The following PROM1 variants were observed in gnomAD, a reference collection of about 807,000 sequenced individuals.
PROM1 encodes prominin-1.
Under a neutral mutation model 116.9 loss-of-function variants are expected in PROM1, and 105 were observed. The observed-to-expected ratio is 0.90, with a 90% CI of 0.77 to 1.06. The LOEUF is 1.06. PROM1 is among the 50% of genes least tolerant of loss of function. The pLI is 0.00. For synonymous variants in PROM1, 393 were observed against 387.0 expected, an observed-to-expected ratio of 1.02 and a Z score of -0.18; for missense variants, 1,122 against 1,045.2, an observed-to-expected ratio of 1.07 and a Z score of -1.01.
At chr4:15,989,676 G>T in intron 19 of PROM1, 56 bp downstream of exon 19, 1 of 1,384,418 alleles carries the variant, frequency 7.2e-7, no homozygotes, top group Non-Finnish European at 1.0e-6. Context: ...AAGCCAACTA[G>T]CTGCAGTAGA....
chr4:16,023,210 C>T (rs1343904971), intron 8 of PROM1, 116 bp downstream of exon 8: 12 of 864,916 alleles, frequency 1.4e-5, no homozygotes, highest in Non-Finnish European at 1.7e-5. Flanking sequence ...TGCATGGCCA[C>T]GGACGGTGGC....
chr4:15,970,963 A>AG, intron 27 of PROM1, 80 bp downstream of exon 27: 1 of 1,103,970 alleles, frequency 9.1e-7, no homozygotes, highest in Non-Finnish European at 1.3e-6. Flanking sequence ...GCAATGTATT[A>AG]GGAATAGCTA....
At chr4:15,997,587 G>A (rs62288716) in intron 15 of PROM1, among the ~76,000 whole-genome samples, 45,160 of 151,890 alleles carry the variant, frequency 0.3, 7,527 homozygotes, top group Non-Finnish European at 0.38. Flanking sequence ...AGCCTCCTGA[G>A]TAGCTGAGTC....
intron 3 of PROM1, among the ~76,000 whole-genome samples, chr4:16,037,548 GGAACT>G (rs1408741304): frequency 6.6e-6 from 1 of 152,086 alleles, no homozygotes; most frequent in Non-Finnish European, 1.5e-5. Context: ...TGGGCAAAAG[GGAACT>G]GCCTTCTCCC....
Position 16,018,372 on chromosome 4 carries a change from C to T in PROM1, c.953G>A (p.Ser318Asn), listed in dbSNP as rs1387166299. The T allele has an allele frequency of 5.0e-6, 8 of 1,613,594 alleles. No individual in the cohort carries two copies. The highest frequency in any genetic ancestry group is 1.7e-4 in the Middle Eastern group (1 of 5,854). The change falls in exon 9 of 28, where the codon AGC (serine) becomes AAC (asparagine). Residue 318 changes from serine to asparagine, a missense_variant. Coordinates refer to ENST00000447510, the MANE Select transcript of PROM1 (RefSeq NM_006017.3). ...LVHPSSETCNSIRLSLSQLNS... is the reference protein window; with the variant it reads ...LVHPSSETCNNIRLSLSQLNS... ...CAGCTGGCTTAGAGACAATCTGATG[C>T]TGTTGCAGGTTTCACTTGATGGATG...
intron 2 of PROM1, among the ~76,000 whole-genome samples, chr4:16,042,818 C>T (rs1735646292): frequency 6.6e-6 from 1 of 152,254 alleles, no homozygotes; most frequent in Middle Eastern, 3.4e-3. Context: ...TCAGTGAGAG[C>T]AGACGTTCAC....
At chr4:16,046,319 A>T (rs1736539313) in intron 2 of PROM1, among the ~76,000 whole-genome samples, 1 of 151,674 alleles carries the variant, frequency 6.6e-6, no homozygotes, top group South Asian at 2.1e-4. Flanking sequence ...AACAGAGGTA[A>T]CTCTCCCTCT....
intron 5 of PROM1, among the ~76,000 whole-genome samples, chr4:16,030,456 T>TAGG (rs1439204994): frequency 6.6e-6 from 1 of 152,148 alleles, no homozygotes; most frequent in Non-Finnish European, 1.5e-5. Flanking sequence ...ACTGAATGTG[T>TAGG]AGGAGGGTAT....
chr4:16,070,344 G>C (rs1742525486), intron 2 of PROM1, among the ~76,000 whole-genome samples: 1 of 152,158 alleles, frequency 6.6e-6, no homozygotes, highest in South Asian at 2.1e-4. Flanking sequence ...GAACCTGACT[G>C]ATTATTTCAG....
intron 26 of PROM1, chr4:15,971,532 A>T (rs1482922741): frequency 6.4e-6 from 1 of 156,792 alleles, no homozygotes; most frequent in Non-Finnish European, 1.4e-5. Flanking sequence ...CAGGCAGTGC[A>T]CACGGCCTCT....
At chr4:16,041,089 G>T (rs1417915384) in intron 2 of PROM1, among the ~76,000 whole-genome samples, 1 of 152,170 alleles carries the variant, frequency 6.6e-6, no homozygotes, top group Non-Finnish European at 1.5e-5. Flanking sequence ...CATGTTCAGG[G>T]TGTCCATGAG....
At position 16,046,788 on chromosome 4, in the gene PROM1, A is replaced by T. The variant is rs181024600; in HGVS notation, c.221-7787T>A. Among the ~76,000 whole-genome samples, 106 of 152,338 alleles carry T rather than the reference A, an allele frequency of 7.0e-4. No homozygotes were observed. In the East Asian group the frequency reaches 0.013, roughly 18 times the overall value. On this transcript the variant is annotated intron_variant, in intron 2 of 27. Coordinates refer to ENST00000447510, the MANE Select transcript of PROM1 (RefSeq NM_006017.3). ...TCACGGAATCACACTGTCTACACAGAGTGGGTACTTCAGAGACAGCACTCA... is the reference window on the plus strand; with the variant it reads ...TCACGGAATCACACTGTCTACACAGTGTGGGTACTTCAGAGACAGCACTCA...
intron 13 of PROM1, among the ~76,000 whole-genome samples, chr4:16,002,214 GA>G (rs1005096921): frequency 6.6e-6 from 1 of 151,082 alleles, no homozygotes; most frequent in African/African-American, 2.4e-5. Flanking sequence ...TGTCGAAAAA[GA>G]AAAAAAACAG....
In PROM1 at chr4:16,006,676, A is replaced by G; in HGVS notation, c.1316T>C (p.Leu439Pro). ...EYDSYWWLGG[L>P]VICSLLTLIV... ...GAGGGTCAGCAGAGAGCAGATGACC[A>G]GGCCACCCAGCCACCTGGAGAGGCA... Residue 439 changes from leucine (L) to proline (P), a missense_variant, in exon 13 of 28, where the codon CTG (leucine) becomes CCG (proline). Transcript: ENST00000447510. The G allele has an allele frequency of 6.2e-7, 1 of 1,613,100 alleles. No homozygotes were observed. Among genetic ancestry groups the G allele is most frequent in the Non-Finnish European group, 8.5e-7 (1 of 1,179,596 alleles).
chr4:16,025,719 GCACACACA>G (rs139033375), intron 5 of PROM1, among the ~76,000 whole-genome samples: 1 of 150,160 alleles, frequency 6.7e-6, no homozygotes, highest in African/African-American at 2.4e-5. Flanking sequence ...ACACACACAC[GCACACACA>G]CACACACACA....
Position 16,025,209 on chromosome 4 carries a change from A to G in PROM1, c.613T>C (p.Leu205=), listed in dbSNP as rs1245668116. The part of the protein sequence containing the change: ...DSNFKDLRTL[L]NETPEQIKYI... ...GTTTTTACCTCTGGAGTTTCATTCA[A>G]GAGAGTTCGCAAGTCCTTGAAATTG... The change falls in exon 6 of 28, where the codon TTG becomes CTG. Residue 205 remains leucine (L), a synonymous_variant. Transcript: ENST00000447510. 2.6e-5 allele frequency: 42 copies of G among 1,613,908 alleles called. No homozygotes were observed. Among genetic ancestry groups the G allele is most frequent in the Middle Eastern group, 1.6e-4 (1 of 6,062 alleles).
chr4:16,068,781 T>A (rs1196214796), intron 2 of PROM1, among the ~76,000 whole-genome samples: 1 of 152,196 alleles, frequency 6.6e-6, no homozygotes, highest in Non-Finnish European at 1.5e-5. Flanking sequence ...AACATCCTGA[T>A]GGCCTCTCAA....
chr4:16,077,600 C>T (rs1240623202), intron 1 of PROM1, among the ~76,000 whole-genome samples: 1 of 152,184 alleles, frequency 6.6e-6, no homozygotes, highest in African/African-American at 2.4e-5. Flanking sequence ...ACGAGAAACA[C>T]CCACAGGTGT....
At chr4:16,005,735 C>T (rs1229035170) in intron 13 of PROM1, among the ~76,000 whole-genome samples, 2 of 152,136 alleles carry the variant, frequency 1.3e-5, no homozygotes, top group African/African-American at 4.8e-5. Context: ...ACCTAGAGCC[C>T]CATCTCACTC....
Sources: gnomAD v4.1 joint callset for allele counts (sites outside exome capture counted in the v4.1 genomes callset) on GRCh38, gnomAD v4.1.1 for gene constraint, MANE v1.5 for transcripts, NCBI Gene and HGNC (gene_info 2026-07-23, HGNC 2026-07-21) for gene names.